The following STPG2 variants were observed in gnomAD, a reference collection of about 807,000 sequenced individuals.
The protein encoded by STPG2 is sperm-tail PG-rich repeat-containing protein 2.
A neutral mutation model predicts 54.2 loss-of-function variants in STPG2; 56 were observed. The ratio of observed to expected loss-of-function variants is 1.03; its 90% CI spans 0.83 to 1.29. STPG2 has a LOEUF of 1.29. STPG2 is among the 50% of genes most tolerant of loss of function. The pLI is 0.00. For missense variants in STPG2, 596 were observed against 544.9 expected (o/e 1.09, Z -0.93); for synonymous variants, 200 against 181.8 (o/e 1.10, Z -0.81).
Position 97,453,293 on chromosome 4 carries a change from C to T in STPG2, c.462+259406G>A, listed in dbSNP as rs1729425797. On this transcript the variant is annotated intron_variant, in intron 4 of 4. Coordinates refer to the STPG2 transcript ENST00000522676. ...TCCATGTCGGCACTGGAGCTGCCCA[C>T]CCTGCTACAGCAGCCAGTATGTCTG... Among the ~76,000 whole-genome samples, 4 of 152,230 alleles carry T rather than the reference C, an allele frequency of 2.6e-5. No homozygotes were observed. The South Asian group carries it at 8.3e-4, about 32-fold the overall frequency.
chr4:97,948,766 T>C (rs1202898036), intron 7 of STPG2, among the ~76,000 whole-genome samples: 1 of 152,170 alleles, frequency 6.6e-6, no homozygotes, highest in Admixed American at 6.5e-5. Flanking sequence ...TCTGCTGTGA[T>C]CTGAGAAGAT....
chr4:98,004,691 G>A (rs1043628521), intron 5 of STPG2, among the ~76,000 whole-genome samples: 11 of 151,958 alleles, frequency 7.2e-5, no homozygotes, highest in African/African-American at 2.7e-4. Context: ...CTAAGAGGTG[G>A]GAGATGATAT....
chr4:97,955,637 G>T (rs926821607), intron 7 of STPG2, among the ~76,000 whole-genome samples: 1 of 152,022 alleles, frequency 6.6e-6, no homozygotes, highest in Non-Finnish European at 1.5e-5. Flanking sequence ...TAATAGCCAA[G>T]AATTATTTAA....
chr4:98,009,641 C>T (rs970155228), intron 5 of STPG2, among the ~76,000 whole-genome samples: 1 of 127,352 alleles, frequency 7.9e-6, no homozygotes, highest in African/African-American at 3.0e-5. Context: ...TACTGAATTT[C>T]TGACTGAATG....
At position 97,597,662 on chromosome 4, in the gene STPG2, G is replaced by C. The variant is rs1733334601; in HGVS notation, c.1321-38545C>G. Among the ~76,000 whole-genome samples, 5 of 152,008 alleles carry C rather than the reference G, an allele frequency of 3.3e-5. No homozygotes were observed. The South Asian group carries it at 1.0e-3, about 32-fold the overall frequency. On this transcript the variant is annotated intron_variant, in intron 10 of 10. Coordinates refer to ENST00000295268, the MANE Select transcript of STPG2 (RefSeq NM_174952.3). ...TGATCATCTCACTAGATGCAGAAAA[G>C]GCTTTTGATAAAATTCAACATCCCT...
At chr4:98,058,924 G>A (rs748782111) in intron 5 of STPG2, among the ~76,000 whole-genome samples, 3 of 150,700 alleles carry the variant, frequency 2.0e-5, no homozygotes, top group South Asian at 2.1e-4. Context: ...CTAAAGAATC[G>A]CATCTGAAAG....
chr4:97,558,093 T>C (rs545313083), downstream of STPG2, among the ~76,000 whole-genome samples: 3 of 152,184 alleles, frequency 2.0e-5, no homozygotes, highest in Non-Finnish European at 4.4e-5. Flanking sequence ...TATCTGTGCC[T>C]AATACATCCA....
chr4:97,787,475 T>A (rs529020737), intron 9 of STPG2, among the ~76,000 whole-genome samples: 1 of 152,072 alleles, frequency 6.6e-6, no homozygotes, highest in Non-Finnish European at 1.5e-5. Context: ...CAGGGATCCA[T>A]GACTTGATGT....
At chr4:97,467,605 A>G (rs1729818826) in intron 4 of STPG2, among the ~76,000 whole-genome samples, 1 of 151,982 alleles carries the variant, frequency 6.6e-6, no homozygotes, top group Non-Finnish European at 1.5e-5. Context: ...TTAAAAAGAA[A>G]CCAGTCTGTT....
At chr4:97,621,165 A>C (rs1578430290) in intron 10 of STPG2, among the ~76,000 whole-genome samples, 1 of 152,122 alleles carries the variant, frequency 6.6e-6, no homozygotes, top group South Asian at 2.1e-4. Flanking sequence ...TTATTATAGT[A>C]CTGAATTCCC....
chr4:97,976,220 G>T (rs1734494357), intron 6 of STPG2, among the ~76,000 whole-genome samples: 1 of 152,086 alleles, frequency 6.6e-6, no homozygotes, highest in Non-Finnish European at 1.5e-5. Context: ...TCCCGCTGCT[G>T]TTCAACATTC....
chr4:97,832,238 C>T (rs1304395615), intron 9 of STPG2, among the ~76,000 whole-genome samples: 2 of 152,128 alleles, frequency 1.3e-5, no homozygotes, highest in African/African-American at 4.8e-5. Context: ...TAAATGTAAT[C>T]CATCACATAA....
intron 5 of STPG2, among the ~76,000 whole-genome samples, chr4:98,041,969 T>C (rs1193810780): frequency 6.6e-6 from 1 of 151,954 alleles, no homozygotes; most frequent in East Asian, 1.9e-4. Context: ...GTCCTAGGCT[T>C]TCTTTTCTTA....
chr4:98,080,469 C>A (rs1252963504), intron 5 of STPG2, among the ~76,000 whole-genome samples: 1 of 152,072 alleles, frequency 6.6e-6, no homozygotes, highest in Non-Finnish European at 1.5e-5. Flanking sequence ...ATTCTTACAG[C>A]AAATCAGTTT....
chr4:97,930,575 C>T (rs1210570670), intron 8 of STPG2, among the ~76,000 whole-genome samples: 1 of 152,162 alleles, frequency 6.6e-6, no homozygotes, highest in African/African-American at 2.4e-5. Flanking sequence ...GTTTTGGTTA[C>T]TGCAACCTGG....
intron 10 of STPG2, among the ~76,000 whole-genome samples, chr4:97,561,678 C>T (rs570422160): frequency 5.3e-5 from 8 of 152,294 alleles, no homozygotes; most frequent in Non-Finnish European, 8.8e-5. Flanking sequence ...GTTTTCCCAG[C>T]ACCATTTATT....
At chr4:97,606,980 A>G (rs1021484927) in intron 10 of STPG2, among the ~76,000 whole-genome samples, 11 of 152,210 alleles carry the variant, frequency 7.2e-5, no homozygotes, top group Non-Finnish European at 1.5e-4. Context: ...ATTCTACATG[A>G]TAAAAGAATA....
chr4:97,471,511 A>T lies in STPG2; in HGVS notation c.462+241188T>A, dbSNP rs964215847. ...TTTAAGTAATTGAAGTGATTCTTGT[A>T]CATGGTATACATTTTATCTGCAGCA... is the stretch of plus-strand genomic sequence containing the variant. On this transcript the variant is annotated intron_variant, in intron 4 of 4. Coordinates refer to the STPG2 transcript ENST00000522676. 1.5e-4 allele frequency among the ~76,000 whole-genome samples: 23 copies of T among 152,270 alleles called. No individual in the cohort carries two copies. The South Asian group carries it at 4.1e-3, about 27-fold the overall frequency.
At chr4:97,740,924 G>A (rs1350547013) in intron 9 of STPG2, among the ~76,000 whole-genome samples, 1 of 152,026 alleles carries the variant, frequency 6.6e-6, no homozygotes. Flanking sequence ...TAAGGCAAAA[G>A]AACAAAGCTG....
Sources: gnomAD v4.1 joint callset for allele counts (sites outside exome capture counted in the v4.1 genomes callset) on GRCh38, gnomAD v4.1.1 for gene constraint, MANE v1.5 for transcripts, NCBI Gene and HGNC (gene_info 2026-07-23, HGNC 2026-07-21) for gene names.